The following ISG20 variants were observed in gnomAD, a reference collection of about 807,000 sequenced individuals.
The protein encoded by ISG20 is interferon stimulated exonuclease gene 20, also known as interferon-stimulated gene 20 kDa protein.
ISG20 carries 8 observed loss-of-function variants against 11.1 expected under a neutral mutation model. That is an observed-to-expected ratio of 0.72 (90% CI 0.42 to 1.30). The LOEUF is 1.30. Ranked by LOEUF, ISG20 falls within the 50% of genes most tolerant of loss-of-function variation. The pLI, the probability that ISG20 is intolerant of heterozygous loss-of-function variation, is 0.01. For missense variants in ISG20, 243 were observed against 250.2 expected (o/e 0.97, Z 0.19); for synonymous variants, 110 against 101.7 (o/e 1.08, Z -0.49).
upstream of ISG20, chr15:88,636,244 C>A (rs965697241): frequency 6.6e-6 from 1 of 152,284 alleles, no homozygotes; most frequent in Non-Finnish European, 1.5e-5. Flanking sequence ...GTCACCTGAT[C>A]CAACAAGATT....
intron 2 of ISG20, chr15:88,651,310 C>G (rs866830991): frequency 1.0e-5 from 10 of 983,450 alleles, no homozygotes; most frequent in Admixed American, 1.2e-4. Flanking sequence ...CTGTGGCTGC[C>G]GTAAGGAAGC....
At chr15:88,644,970 G>A (rs1028590845) in intron 2 of ISG20, among the ~76,000 whole-genome samples, 6 of 152,200 alleles carry the variant, frequency 3.9e-5, no homozygotes, top group African/African-American at 1.2e-4. Context: ...CATTGGCCTC[G>A]GGGCCTGGAC....
At chr15:88,642,239 T>G (rs1480584051) in intron 2 of ISG20, among the ~76,000 whole-genome samples, 1 of 152,104 alleles carries the variant, frequency 6.6e-6, no homozygotes. Flanking sequence ...AACTTCCTCT[T>G]TTTCAAAGGA....
upstream of ISG20, chr15:88,637,285 G>A (rs989020425): frequency 4.6e-5 from 7 of 151,954 alleles, no homozygotes; most frequent in African/African-American, 1.7e-4. Flanking sequence ...GGGAAGGCTG[G>A]TGGACTGATG....
intron 3 of ISG20, among the ~76,000 whole-genome samples, chr15:88,654,030 A>G (rs144972129): frequency 1.3e-5 from 2 of 152,290 alleles, no homozygotes; most frequent in East Asian, 3.9e-4. Flanking sequence ...AGAGAGGAAA[A>G]GTGACTTGCC....
At chr15:88,647,170 G>A (rs976060737) in intron 2 of ISG20, 3 of 152,198 alleles carry the variant, frequency 2.0e-5, no homozygotes, top group Non-Finnish European at 4.4e-5. Flanking sequence ...AGCCCATGGT[G>A]GCCAGGAGGC....
intron 2 of ISG20, chr15:88,648,054 G>T (rs2058208981): frequency 6.6e-6 from 1 of 152,344 alleles, no homozygotes; most frequent in Non-Finnish European, 1.5e-5. Flanking sequence ...GGACACCAGG[G>T]GAGCTTGGCA....
In ISG20 at chr15:88,650,218, A is replaced by G. The variant is rs749593864; in HGVS notation, c.229-1892A>G. ...CGCCCCTTTCCCTAATAGAGCTCAC[A>G]TCTGTTCTATTTTCAGGTCCCCTTC... On this transcript the variant is annotated intron_variant, in intron 2 of 3. Transcript: ENST00000306072. The surrounding 1 kb of genome is among the most constrained non-coding windows in gnomAD (Gnocchi z 4.0). 6 of 1,531,280 alleles carry G rather than the reference A, an allele frequency of 3.9e-6. No homozygotes were observed. The African/African-American group carries it at 6.9e-5, about 17-fold the overall frequency. 94.9% of individuals were successfully genotyped at this position (1,531,280 alleles called of 1,614,324 possible).
chr15:88,638,977 C>G, upstream of ISG20: 1 of 254,390 alleles, frequency 3.9e-6, no homozygotes. Flanking sequence ...ATGCCGATGC[C>G]GGCTTGGAGT....
intron 2 of ISG20, chr15:88,651,406 A>C (rs767427532): frequency 8.6e-6 from 5 of 583,204 alleles, no homozygotes; most frequent in Non-Finnish European, 1.1e-5. Context: ...CACTGGTCTA[A>C]AATCAAAGTG....
At chr15:88,642,621 T>TTTGTTG (rs34579586) in intron 2 of ISG20, among the ~76,000 whole-genome samples, 2 of 151,694 alleles carry the variant, frequency 1.3e-5, no homozygotes, top group Non-Finnish European at 2.9e-5. Flanking sequence ...CACTGGATTT[T>TTTGTTG]TTGTTGTTGT....
At position 88,639,153 on chromosome 15, in the gene ISG20, C is replaced by T; in HGVS notation, c.-25+77C>T. ...CCGGTCCCCAGGCTGCGGGGCAGGC[C>T]AGAGGCCCTGGGACACACGGGCAGG... On this transcript the variant is annotated intron_variant, in intron 1 of 3. Coordinates refer to ENST00000306072, the MANE Select transcript of ISG20 (RefSeq NM_002201.6). The surrounding 1 kb of genome is among the most constrained non-coding windows in gnomAD (Gnocchi z 4.2). 1 of 586,238 alleles carries T rather than the reference C, an allele frequency of 1.7e-6. No homozygotes were observed. Among genetic ancestry groups the T allele is most frequent in the East Asian group, 2.8e-5 (1 of 35,374 alleles). The allele number at this position is 586,238 out of a possible 1,614,324, so 36.3% of individuals were successfully genotyped here. A position where few individuals can be genotyped will look rare whatever the true frequency, so the allele number is the denominator to read the frequency against.
chr15:88,650,768 C>T lies in ISG20; in HGVS notation c.229-1342C>T, dbSNP rs2058259821. ...GCATGGTGGCTTTGGGGTGGCCAGA[C>T]ATTTATTTATTTATTTATTTATTGA... On this transcript the variant is annotated intron_variant, in intron 2 of 3. Transcript: ENST00000306072. This position sits in a 1 kb window ranked among gnomAD's most constrained non-coding sequence, Gnocchi z 4.0. 1 of 162,166 alleles carries T rather than the reference C, an allele frequency of 6.2e-6. No homozygotes were observed. The highest frequency in any genetic ancestry group is 1.3e-5 in the Non-Finnish European group (1 of 74,294). The allele number at this position is 162,166 out of a possible 1,614,324, so 10.0% of individuals were successfully genotyped here.
At chr15:88,649,892 T>C (rs1191950093) in intron 2 of ISG20, 2 of 321,400 alleles carry the variant, frequency 6.2e-6, no homozygotes, top group African/African-American at 4.3e-5. Context: ...CGGGGCAGGC[T>C]GGTGACACTG....
Position 88,652,328 on chromosome 15 carries a change from C to G in ISG20, c.429+18C>G. On this transcript the variant is annotated intron_variant, in intron 3 of 3. Coordinates refer to ENST00000306072, the MANE Select transcript of ISG20 (RefSeq NM_002201.6). Reference sequence around the variant, plus strand: ...GCATCCAGGTGAGAACCTCCTCGTCCTTCTCCTCCTCCCCCCTCCTCCCCC... The same window carrying G: ...GCATCCAGGTGAGAACCTCCTCGTCGTTCTCCTCCTCCCCCCTCCTCCCCC... 1 of 1,588,814 alleles carries G rather than the reference C, an allele frequency of 6.3e-7. No homozygotes were observed. Among genetic ancestry groups the G allele is most frequent in the Non-Finnish European group, 8.6e-7 (1 of 1,167,588 alleles).
upstream of ISG20, among the ~76,000 whole-genome samples, chr15:88,636,463 G>A (rs555721095): frequency 6.6e-6 from 1 of 152,296 alleles, no homozygotes; most frequent in African/African-American, 2.4e-5. Context: ...TAAACAGATG[G>A]CAGGGGGAAC....
Position 88,639,206 on chromosome 15 carries a change from G to A in ISG20, c.-25+130G>A, listed in dbSNP as rs2058036505. ...AAGGCAGGGGATGGGGGAGGCAAGA[G>A]GCCAGCTTCCACTGTGGCCAGGTGG... On this transcript the variant is annotated intron_variant, in intron 1 of 3. Transcript: ENST00000306072. This position sits in a 1 kb window ranked among gnomAD's most constrained non-coding sequence, Gnocchi z 4.2. 1 of 617,744 alleles carries A rather than the reference G, an allele frequency of 1.6e-6. No homozygotes were observed. Among genetic ancestry groups the A allele is most frequent in the African/African-American group, 1.8e-5 (1 of 54,142 alleles). 38.3% of individuals were successfully genotyped at this position (617,744 alleles called of 1,614,324 possible).
chr15:88,638,145 A>G (rs909012782), upstream of ISG20, among the ~76,000 whole-genome samples: 1 of 152,208 alleles, frequency 6.6e-6, no homozygotes, highest in Non-Finnish European at 1.5e-5. Context: ...GATTGGAGGG[A>G]TCAGTGTGGA....
At chr15:88,635,842 T>G (rs1445517383), upstream of ISG20, among the ~76,000 whole-genome samples, 1 of 152,244 alleles carries the variant, frequency 6.6e-6, no homozygotes, top group African/African-American at 2.4e-5. Flanking sequence ...TTCTAGGCTG[T>G]GCAATTCATC....
Sources: allele counts gnomAD v4.1 joint callset (sites outside exome capture counted in the v4.1 genomes callset), GRCh38; gene constraint gnomAD v4.1.1; non-coding constraint Gnocchi (gnomAD v3.1); transcripts MANE v1.5; gene names NCBI Gene and HGNC (gene_info 2026-07-23, HGNC 2026-07-21).